The following ARID1B variants were observed in gnomAD, a reference collection of about 807,000 sequenced individuals.
ARID1B encodes the protein AT-rich interactive domain-containing protein 1B.
In ARID1B, 30 loss-of-function variants were observed where a neutral mutation model predicts 212.3. That is an observed-to-expected ratio of 0.14 (90% CI 0.11 to 0.19). The LOEUF is 0.19. ARID1B is among the 10% of genes least tolerant of loss of function. ARID1B has a pLI of 1.00. For missense variants in ARID1B, 2,891 were observed against 3,204.0 expected (o/e 0.90, Z 2.36); for synonymous variants, 1,402 against 1,301.7 (o/e 1.08, Z -1.66).
intron 4 of ARID1B, among the ~76,000 whole-genome samples, chr6:157,021,972 T>G (rs1185431603): frequency 6.6e-6 from 1 of 152,190 alleles, no homozygotes; most frequent in Admixed American, 6.5e-5. Context: ...CTACTTCCTT[T>G]GGTGCATCTC....
chr6:156,850,989 A>G (rs1784545830), intron 2 of ARID1B, among the ~76,000 whole-genome samples: 1 of 152,064 alleles, frequency 6.6e-6, no homozygotes, highest in Admixed American at 6.5e-5. Flanking sequence ...TAATCTTTGA[A>G]CCTTGCGTAT....
intron 2 of ARID1B, among the ~76,000 whole-genome samples, chr6:156,892,404 CAA>C (rs59865332): frequency 0.11 from 17,369 of 151,978 alleles, 1,187 homozygotes; most frequent in East Asian, 0.3. Flanking sequence ...AATTATAAAA[CAA>C]AATTTACATC....
chr6:156,906,870 A>G (rs1159365216), intron 3 of ARID1B, among the ~76,000 whole-genome samples: 3 of 152,158 alleles, frequency 2.0e-5, no homozygotes, highest in Non-Finnish European at 4.4e-5. Context: ...ATTCTTACAT[A>G]CCTTATTTTT....
intron 1 of ARID1B, among the ~76,000 whole-genome samples, chr6:156,792,928 G>T (rs181350917): frequency 6.6e-6 from 1 of 152,094 alleles, no homozygotes; most frequent in African/African-American, 2.4e-5. Context: ...CCTTTTATCC[G>T]AGGATGACTT....
intron 1 of ARID1B, among the ~76,000 whole-genome samples, chr6:156,813,036 A>ATATACACATACGTATGTATATACATATG (rs1562404402): frequency 2.7e-5 from 4 of 148,652 alleles, no homozygotes; most frequent in East Asian, 3.9e-4. Flanking sequence ...ATATACATAT[A>ATATACACATACGTATGTATATACATATG]TATATACACA....
intron 4 of ARID1B, among the ~76,000 whole-genome samples, chr6:157,013,668 T>C (rs1779741380): frequency 6.6e-6 from 1 of 152,236 alleles, no homozygotes; most frequent in Admixed American, 6.5e-5. Flanking sequence ...TTTGGTTGAA[T>C]GTGTACTGAA....
chr6:156,972,014 G>A lies in ARID1B; in HGVS notation c.2247+36438G>A, dbSNP rs80320100. On this transcript the variant is annotated intron_variant, in intron 4 of 19. Transcript: ENST00000636930. ...GCCAGGAATCCTGGGGGACATCACAGAATTCTGCCTACACACAGAGTGAGC... is the reference window on the plus strand; with the variant it reads ...GCCAGGAATCCTGGGGGACATCACAAAATTCTGCCTACACACAGAGTGAGC... 7.9e-3 allele frequency among the ~76,000 whole-genome samples: 1,208 copies of A among 152,276 alleles called. 5 individuals are homozygous for A. The highest frequency in any genetic ancestry group is 0.014 in the Middle Eastern group (4 of 294).
rs1001655484 is a variant in ARID1B, at chr6:157,011,908, C to T, written c.2248-72754C>T. Among the ~76,000 whole-genome samples, 7 of 152,046 alleles carry T rather than the reference C, an allele frequency of 4.6e-5. 1 individual carries two copies. The highest frequency in any genetic ancestry group is 3.9e-4 in the Admixed American group (6 of 15,292). The stretch of plus-strand genomic sequence containing the variant: ...GTGAATAAGAAATCTATGCCTAGAC[C>T]GAAGCTATAGAACATCAAAGACAAA... On this transcript the variant is annotated intron_variant, in intron 4 of 19. Coordinates refer to ENST00000636930, the MANE Select transcript of ARID1B (RefSeq NM_001374828.1).
chr6:156,955,257 C>G lies in ARID1B; in HGVS notation c.2247+19681C>G, dbSNP rs1737197994. Among the ~76,000 whole-genome samples, 1 of 152,204 alleles carries G rather than the reference C, an allele frequency of 6.6e-6. No homozygotes were observed. The highest frequency in any genetic ancestry group is 2.4e-5 in the African/African-American group (1 of 41,440). ...TCTGAATTTGTATCTCATGATAGCT[C>G]TTAATACAGAAAGTTAAATAGGCTA... On this transcript the variant is annotated intron_variant, in intron 4 of 19. Transcript: ENST00000636930. The surrounding 1 kb of genome is among the most constrained non-coding windows in gnomAD (Gnocchi z 4.2).
chr6:157,072,721 AAAATC>A (rs1467398636), intron 4 of ARID1B: 1 of 152,254 alleles, frequency 6.6e-6, no homozygotes, highest in African/African-American at 2.4e-5. Flanking sequence ...TTATAAAACA[AAAATC>A]AAAATAATCA....
At chr6:157,022,067 T>C (rs983686376) in intron 4 of ARID1B, among the ~76,000 whole-genome samples, 1 of 151,864 alleles carries the variant, frequency 6.6e-6, no homozygotes, top group Non-Finnish European at 1.5e-5. Flanking sequence ...TGGCTGACGG[T>C]GGAAAAGCCA....
chr6:156,868,925 A>G (rs1785911835), intron 2 of ARID1B, among the ~76,000 whole-genome samples: 1 of 152,248 alleles, frequency 6.6e-6, no homozygotes, highest in African/African-American at 2.4e-5. Flanking sequence ...GATCATTACA[A>G]TATAAAAGAA....
chr6:156,880,725 G>A (rs554587742), intron 2 of ARID1B, among the ~76,000 whole-genome samples: 39 of 122,948 alleles, frequency 3.2e-4, no homozygotes, highest in African/African-American at 1.1e-3. Context: ...GGGCCACGGA[G>A]CGAGACTCTG....
intron 2 of ARID1B, among the ~76,000 whole-genome samples, chr6:156,862,687 G>C (rs546562329): frequency 7.9e-5 from 12 of 152,304 alleles, no homozygotes; most frequent in Non-Finnish European, 1.3e-4. Flanking sequence ...AATGAGGAAA[G>C]GAGGAGGCGG....
At chr6:157,199,821 GC>G (rs1343537094) in intron 17 of ARID1B, among the ~76,000 whole-genome samples, 1 of 151,756 alleles carries the variant, frequency 6.6e-6, no homozygotes, top group Non-Finnish European at 1.5e-5. Flanking sequence ...CCGCCACCAT[GC>G]CCAGCTAATT....
intron 15 of ARID1B, among the ~76,000 whole-genome samples, chr6:157,191,080 T>C (rs771513728): frequency 5.9e-5 from 9 of 152,008 alleles, no homozygotes; most frequent in Non-Finnish European, 5.9e-5. Context: ...AAAGATGTTA[T>C]GCAGGGAAGT....
At chr6:157,037,541 G>A (rs1408551524) in intron 4 of ARID1B, among the ~76,000 whole-genome samples, 1 of 152,112 alleles carries the variant, frequency 6.6e-6, no homozygotes, top group Non-Finnish European at 1.5e-5. Context: ...AGCTATTTTC[G>A]GGTAGAACAG....
intron 2 of ARID1B, among the ~76,000 whole-genome samples, chr6:156,865,547 G>A (rs2128134850): frequency 6.6e-6 from 1 of 152,112 alleles, no homozygotes; most frequent in African/African-American, 2.4e-5. Context: ...GTCCATTTTA[G>A]TTCATTTCCC....
In ARID1B at chr6:156,797,517, G is replaced by T. The variant is rs190772095; in HGVS notation, c.1791+18046G>T. Among the ~76,000 whole-genome samples, 7 of 152,242 alleles carry T rather than the reference G, an allele frequency of 4.6e-5. 1 individual carries two copies. The highest frequency in any genetic ancestry group is 4.6e-4 in the Admixed American group (7 of 15,304). On this transcript the variant is annotated intron_variant, in intron 1 of 19. Coordinates refer to ENST00000636930, the MANE Select transcript of ARID1B (RefSeq NM_001374828.1). The stretch of plus-strand genomic sequence containing the variant: ...GGTTGAAATGACCAGTGGCAGCCCC[G>T]ATGCCACCTTTATTTCCTCAAGGCT...
Sources: allele counts gnomAD v4.1 joint callset (sites outside exome capture counted in the v4.1 genomes callset), GRCh38; gene constraint gnomAD v4.1.1; non-coding constraint Gnocchi (gnomAD v3.1); transcripts MANE v1.5; gene names NCBI Gene and HGNC (gene_info 2026-07-23, HGNC 2026-07-21).